The following TMEFF2 variants were observed in gnomAD, a reference collection of about 807,000 sequenced individuals.
TMEFF2 encodes the protein tomoregulin-2.
Under a neutral mutation model 53.8 loss-of-function variants are expected in TMEFF2, and 28 were observed. The observed-to-expected ratio is 0.52, with a 90% CI of 0.39 to 0.71. The LOEUF (loss-of-function observed/expected upper bound fraction) is 0.71. TMEFF2 is among the 30% of genes least tolerant of loss of function. The probability of loss-of-function intolerance (pLI) is 0.00; values close to 1 mark genes in which losing one functional copy is unlikely to be tolerated. For synonymous variants in TMEFF2, 162 were observed against 166.3 expected, an observed-to-expected ratio of 0.97 and a Z score of 0.20; for missense variants, 353 against 455.2, an observed-to-expected ratio of 0.78 and a Z score of 2.04.
chr2:192,045,472 T>C (rs1249591591), intron 5 of TMEFF2, among the ~76,000 whole-genome samples: 1 of 152,200 alleles, frequency 6.6e-6, no homozygotes, highest in African/African-American at 2.4e-5. Context: ...GTGTCCCATG[T>C]AAATATTTAC....
chr2:192,175,692 C>T (rs1364981444), intron 4 of TMEFF2, among the ~76,000 whole-genome samples: 12 of 151,330 alleles, frequency 7.9e-5, no homozygotes, highest in Admixed American at 7.9e-4. Context: ...TGTATCTATG[C>T]TGTGTATCTT....
At chr2:192,170,968 A>G (rs1412528864) in intron 4 of TMEFF2, among the ~76,000 whole-genome samples, 1 of 152,100 alleles carries the variant, frequency 6.6e-6, no homozygotes, top group Admixed American at 6.6e-5. Context: ...TACACATTGA[A>G]AATCATATCC....
intron 4 of TMEFF2, among the ~76,000 whole-genome samples, chr2:192,098,057 A>T (rs987190898): frequency 6.6e-6 from 1 of 152,236 alleles, no homozygotes; most frequent in East Asian, 1.9e-4. Flanking sequence ...CTTTCTATTT[A>T]AATAGTACAC....
chr2:192,046,323 C>T (rs1047348991), intron 5 of TMEFF2, among the ~76,000 whole-genome samples: 21 of 152,020 alleles, frequency 1.4e-4, no homozygotes, highest in African/African-American at 4.8e-4. Flanking sequence ...AAGATCATGC[C>T]GCTGCACTTC....
At position 192,135,257 on chromosome 2, in the gene TMEFF2, G is replaced by A. The variant is rs944743056; in HGVS notation, c.439+44411C>T. ...ATATCTCCTCGTGCTATCCCCAAAC[G>A]GCCACTCTTAACTCTTGAAGTAAAT... On this transcript the variant is annotated intron_variant, in intron 4 of 9. Coordinates refer to ENST00000272771, the MANE Select transcript of TMEFF2 (RefSeq NM_016192.4). Among the ~76,000 whole-genome samples the A allele has an allele frequency of 7.3e-5, 11 of 151,376 alleles. 1 individual carries two copies. The highest frequency in any genetic ancestry group is 1.9e-4 in the African/African-American group (8 of 41,176).
At chr2:192,089,407 C>T (rs1330018567) in intron 4 of TMEFF2, among the ~76,000 whole-genome samples, 1 of 150,386 alleles carries the variant, frequency 6.6e-6, no homozygotes, top group African/African-American at 2.5e-5. Context: ...TAATTTTGCT[C>T]TTGAAATTCT....
intron 5 of TMEFF2, among the ~76,000 whole-genome samples, chr2:192,050,870 C>T (rs1366788779): frequency 6.6e-6 from 1 of 152,174 alleles, no homozygotes; most frequent in Admixed American, 6.5e-5. Context: ...TTTGGACACA[C>T]CTTTGCTAAA....
intron 4 of TMEFF2, chr2:192,177,616 C>G (rs887734508): frequency 2.0e-5 from 3 of 150,418 alleles, no homozygotes; most frequent in Admixed American, 1.3e-4. Flanking sequence ...TTTTCTAAAG[C>G]AAACATCGGA....
chr2:192,048,240 A>C (rs149695893), intron 5 of TMEFF2, among the ~76,000 whole-genome samples: 1 of 152,050 alleles, frequency 6.6e-6, no homozygotes, highest in Non-Finnish European at 1.5e-5. Context: ...GTATAAATAC[A>C]TTATTCTTAA....
chr2:191,952,400 G>A (rs1559057255), intron 9 of TMEFF2, among the ~76,000 whole-genome samples: 1 of 152,142 alleles, frequency 6.6e-6, no homozygotes, highest in African/African-American at 2.4e-5. Context: ...TTAAATATAG[G>A]TTTTGTTTTT....
Position 192,191,969 on chromosome 2 carries a change from C to A in TMEFF2, c.193G>T (p.Asp65Tyr). The A allele has an allele frequency of 6.2e-7, 1 of 1,612,614 alleles. No individual in the cohort carries two copies. Among genetic ancestry groups the A allele is most frequent in the South Asian group, 1.1e-5 (1 of 91,012 alleles). Residue 65 changes from aspartate (D) to tyrosine (Y), a missense_variant, in exon 2 of 10, where the codon GAT (aspartate) becomes TAT (tyrosine). By Grantham distance (160) the Asp-to-Tyr change is radical (BLOSUM62 -3). Around this residue, in one of 3 missense-constraint regions of TMEFF2, gnomAD observed 294 missense variants for 397.3 expected, o/e 0.74. Transcript: ENST00000272771. ...NCSGYDDREN[D>Y]LFLCDTNTCK... ...GTGTTGGTGTCACAGAGGAAGAGAT[C>A]ATTTTCTCTGTCATCATAACCTCAA... is the stretch of plus-strand genomic sequence containing the variant.
At chr2:191,977,166 A>G (rs1440758017) in intron 7 of TMEFF2, among the ~76,000 whole-genome samples, 3 of 152,270 alleles carry the variant, frequency 2.0e-5, no homozygotes, top group East Asian at 1.9e-4. Context: ...CAAAAGCAGA[A>G]GAGTATTCCA....
At chr2:192,167,128 A>C (rs1690788459) in intron 4 of TMEFF2, among the ~76,000 whole-genome samples, 1 of 152,186 alleles carries the variant, frequency 6.6e-6, no homozygotes, top group African/African-American at 2.4e-5. Context: ...GAGTAGAAGA[A>C]GGCTGTCTAA....
At chr2:192,081,654 TTTTC>T (rs1355949016) in intron 4 of TMEFF2, among the ~76,000 whole-genome samples, 2 of 152,178 alleles carry the variant, frequency 1.3e-5, no homozygotes, top group Non-Finnish European at 2.9e-5. Flanking sequence ...TTAGTTATTA[TTTTC>T]TGTTTGCTTA....
chr2:191,964,214 T>G (rs993951436), intron 7 of TMEFF2, among the ~76,000 whole-genome samples: 6 of 148,448 alleles, frequency 4.0e-5, no homozygotes, highest in Non-Finnish European at 6.0e-5. Flanking sequence ...CTTTCTCTCT[T>G]TCTGTCTGTC....
At chr2:192,144,256 ACCT>A (rs148522563) in intron 4 of TMEFF2, among the ~76,000 whole-genome samples, 1,648 of 151,948 alleles carry the variant, frequency 0.011, 26 homozygotes, top group African/African-American at 0.038. Context: ...GGAAGTTTTT[ACCT>A]CCTTTTTCTT....
intron 4 of TMEFF2, among the ~76,000 whole-genome samples, chr2:192,089,351 C>T (rs1404025905): frequency 6.6e-6 from 1 of 151,814 alleles, no homozygotes; most frequent in African/African-American, 2.4e-5. Flanking sequence ...GTCTTTTTTT[C>T]CCCCCAAAGG....
chr2:192,184,294 A>G (rs1691258601), intron 3 of TMEFF2, 60 bp downstream of exon 3: 1 of 1,589,614 alleles, frequency 6.3e-7, no homozygotes, highest in Non-Finnish European at 8.6e-7. Context: ...AAGAAATGAA[A>G]GACATGGTTT....
At chr2:192,041,310 C>A (rs1687475221) in intron 5 of TMEFF2, among the ~76,000 whole-genome samples, 1 of 152,066 alleles carries the variant, frequency 6.6e-6, no homozygotes, top group Admixed American at 6.6e-5. Context: ...GACAAATGAT[C>A]TGAATGGATA....
Sources: gnomAD v4.1 joint callset for allele counts (sites outside exome capture counted in the v4.1 genomes callset) on GRCh38, gnomAD v4.1.1 for gene constraint, gnomAD v4.1.1 regional missense constraint, MANE v1.5 for transcripts, NCBI Gene and HGNC (gene_info 2026-07-23, HGNC 2026-07-21) for gene names.